Variants in EXOSC10 observed in about 807,000 individuals in gnomAD.
EXOSC10 encodes exosome component 10.
In EXOSC10, 94 loss-of-function variants were observed where a neutral mutation model predicts 126.6. The ratio of observed to expected loss-of-function variants is 0.74; its 90% CI spans 0.63 to 0.88. The LOEUF (loss-of-function observed/expected upper bound fraction) is 0.88. Among genes scored for constraint, EXOSC10 ranks in the 40% least tolerant of loss-of-function variants. The probability of loss-of-function intolerance (pLI) is 0.00; values close to 1 mark genes in which losing one functional copy is unlikely to be tolerated. For synonymous variants in EXOSC10, 395 were observed against 400.8 expected (o/e 0.99, Z 0.17); for missense variants, 1,041 against 1,100.5 (o/e 0.95, Z 0.77).
chr1:11,097,729 A>T (rs1391413956), intron 2 of EXOSC10, among the ~76,000 whole-genome samples: 1 of 152,204 alleles, frequency 6.6e-6, no homozygotes, highest in Non-Finnish European at 1.5e-5. Context: ...CCGTCTCAAA[A>T]AAAAAAAAGA....
chr1:11,088,616 A>T (rs1157820508), intron 6 of EXOSC10, among the ~76,000 whole-genome samples: 1 of 152,200 alleles, frequency 6.6e-6, no homozygotes, highest in Admixed American at 6.5e-5. Context: ...TGATCCTAAG[A>T]AATCTGTATA....
At chr1:11,090,711 T>A (rs1640758031) in intron 5 of EXOSC10, 43 bp from the exon 6 acceptor site, 2 of 1,421,586 alleles carry the variant, frequency 1.4e-6, no homozygotes, top group Non-Finnish European at 1.9e-6. Flanking sequence ...AGCACATTCA[T>A]GTCTTTTCTA....
At chr1:11,088,391 TATG>T (rs1219949305) in intron 6 of EXOSC10, among the ~76,000 whole-genome samples, 193 bp from the exon 7 acceptor site, 2 of 152,220 alleles carry the variant, frequency 1.3e-5, no homozygotes, top group Non-Finnish European at 2.9e-5. Flanking sequence ...ACTCTTAAAA[TATG>T]ATAATTAAGT....
In EXOSC10 at chr1:11,096,471, C is replaced by CTT. The variant is rs70977546; in HGVS notation, c.249-592_249-591dup. On this transcript the variant is annotated intron_variant, in intron 2 of 24. Coordinates refer to ENST00000376936, the MANE Select transcript of EXOSC10 (RefSeq NM_001001998.3). The stretch of plus-strand genomic sequence containing the variant: ...AGCCTTTTTCTTTCTTTCTTTCTTT[C>CTT]TTTTTTTTTTTTTTTTTTTTAAAGA... 2.1e-3 allele frequency among the ~76,000 whole-genome samples: 249 copies of CTT among 118,790 alleles called. 3 individuals are homozygous for CTT. The highest frequency in any genetic ancestry group is 7.4e-3 in the African/African-American group (237 of 32,090). The allele number at this position is 118,790 out of a possible 152,430, so 77.9% of individuals were successfully genotyped here. A position where few individuals can be genotyped will look rare whatever the true frequency, so the allele number is the denominator to read the frequency against.
At chr1:11,091,261 G>A in intron 4 of EXOSC10, 82 bp from the exon 5 acceptor site, 1 of 1,363,322 alleles carries the variant, frequency 7.3e-7, no homozygotes, top group South Asian at 1.3e-5. Flanking sequence ...GACTTCTGAG[G>A]AGACAAGAAC....
chr1:11,069,312 A>G lies in EXOSC10; in HGVS notation c.2488+247T>C, dbSNP rs1639315555. ...AAGGATGGCGCCCTGGTCACAGTGGAAGTGACAGGTGATCTTGCTAACCCA... is the reference window on the plus strand; with the variant it reads ...AAGGATGGCGCCCTGGTCACAGTGGGAGTGACAGGTGATCTTGCTAACCCA... On this transcript the variant is annotated intron_variant, in intron 22 of 24. Coordinates refer to ENST00000376936, the MANE Select transcript of EXOSC10 (RefSeq NM_001001998.3). 1.3e-5 allele frequency among the ~76,000 whole-genome samples: 2 copies of G among 150,786 alleles called. 1 individual carries two copies. Among genetic ancestry groups the G allele is most frequent in the African/African-American group, 4.9e-5 (2 of 41,094 alleles).
chr1:11,083,009 G>A, intron 9 of EXOSC10, 131 bp from the exon 10 acceptor site: 1 of 730,670 alleles, frequency 1.4e-6, no homozygotes, highest in Non-Finnish European at 2.3e-6. Flanking sequence ...GTAGTGCAGT[G>A]GTGTGATCTT....
At chr1:11,085,651 C>A (rs1360284037) in intron 9 of EXOSC10, among the ~76,000 whole-genome samples, 1 of 152,120 alleles carries the variant, frequency 6.6e-6, no homozygotes, top group Non-Finnish European at 1.5e-5. Flanking sequence ...GAACTTCCAA[C>A]ACTATGTTGA....
chr1:11,091,119 T>C lies in EXOSC10; in HGVS notation c.538A>G (p.Ile180Val), dbSNP rs1465604202. Residue 180 changes from isoleucine to valine, a missense_variant, in exon 5 of 25, where the codon ATC becomes GTC. By Grantham distance (29) the Ile-to-Val change is conservative. Coordinates refer to ENST00000376936, the MANE Select transcript of EXOSC10 (RefSeq NM_001001998.3). ...CGAAACTTGAGCTGAGGTCGGATGA[T>C]ATTTTTTGCATGAAGCAGCCGGAAA... ...ETFRLLHAKN[I>V]IRPQLKFREK... 4 of 1,614,090 alleles carry C rather than the reference T, an allele frequency of 2.5e-6. No homozygotes were observed. Among genetic ancestry groups the C allele is most frequent in the East Asian group, 4.5e-5 (2 of 44,900 alleles).
chr1:11,098,027 G>A lies in EXOSC10; in HGVS notation c.241C>T (p.Leu81Phe). ...AFCETQGDRL[L>F]QCMSRVMQYH... is the part of the protein sequence containing the mutation. ...ACAAAGTACAGTACTTACCACTGAA[G>A]CAACCTGTCTCCCTGTGTTTCGCAA... The change falls in exon 2 of 25, where the codon CTT becomes TTT. Residue 81 changes from leucine to phenylalanine, a missense_variant. Physicochemically the swap from Leu to Phe is conservative, Grantham distance 22 (BLOSUM62 0). Around this residue, in one of 3 missense-constraint regions of EXOSC10, gnomAD observed 645 missense variants for 656.3 expected, o/e 0.98. Coordinates refer to ENST00000376936, the MANE Select transcript of EXOSC10 (RefSeq NM_001001998.3). The A allele has an allele frequency of 3.7e-6, 6 of 1,608,158 alleles. No individual in the cohort carries two copies. The highest frequency in any genetic ancestry group is 5.1e-6 in the Non-Finnish European group (6 of 1,178,172).
At chr1:11,087,346 C>T (rs1640551130) in intron 9 of EXOSC10, 102 bp downstream of exon 9, 7 of 1,392,802 alleles carry the variant, frequency 5.0e-6, no homozygotes, top group Admixed American at 1.8e-5. Flanking sequence ...CATGATTCCT[C>T]CCAACTTGAC....
At chr1:11,076,996 A>G in intron 16 of EXOSC10, 48 bp from the exon 17 acceptor site, 2 of 1,495,958 alleles carry the variant, frequency 1.3e-6, no homozygotes, top group South Asian at 2.3e-5. Flanking sequence ...AATTTTGTTT[A>G]TTTTTTCTTT....
intron 23 of EXOSC10, 35 bp downstream of exon 23, chr1:11,068,610 C>A (rs1446557136): frequency 6.4e-7 from 1 of 1,572,428 alleles, no homozygotes; most frequent in Non-Finnish European, 8.8e-7. Flanking sequence ...ACAGGCGCCA[C>A]CAGCGTGCTA....
rs61290871 is a variant in EXOSC10 at position 11,089,633 on chromosome 1, AAAAGAAAGAAAG to A, written c.758+909_758+920del. On this transcript the variant is annotated intron_variant, in intron 6 of 24. Transcript: ENST00000376936. ...CGAAACTCCGTCCCAAAAAAAAAAA[AAAAGAAAGAAAG>A]AAAGAAAGAAAGAAAACATGGGCCA... Among the ~76,000 whole-genome samples, 553 of 148,876 alleles carry A rather than the reference AAAAGAAAGAAAG, an allele frequency of 3.7e-3. 1 individual carries two copies. Among genetic ancestry groups the A allele is most frequent in the Middle Eastern group, 6.8e-3 (2 of 294 alleles).
chr1:11,081,303 C>T, intron 10 of EXOSC10, 65 bp from the exon 11 acceptor site: 1 of 1,585,008 alleles, frequency 6.3e-7, no homozygotes, highest in Non-Finnish European at 8.6e-7. Context: ...TTTGTCTATT[C>T]CTTGGGTGCT....
At chr1:11,087,288 G>A (rs1640548441) in intron 9 of EXOSC10, among the ~76,000 whole-genome samples, 160 bp downstream of exon 9, 3 of 152,166 alleles carry the variant, frequency 2.0e-5, no homozygotes, top group Non-Finnish European at 2.9e-5. Context: ...TTCTAACAGG[G>A]ATTTAGAAAC....
Position 11,067,918 on chromosome 1 carries a change from C to T in EXOSC10, c.2627+90G>A, listed in dbSNP as rs181278632. 96 of 1,125,300 alleles carry T rather than the reference C, an allele frequency of 8.5e-5. No individual in the cohort carries two copies. In the African/African-American group the frequency reaches 1.1e-3, roughly 13 times the overall value. 69.7% of individuals were successfully genotyped at this position (1,125,300 alleles called of 1,614,324 possible). On this transcript the variant is annotated intron_variant, in intron 24 of 24. Coordinates refer to ENST00000376936, the MANE Select transcript of EXOSC10 (RefSeq NM_001001998.3). ...TCCTGGTTGAAGACCCCTGGACACT[C>T]GCTCCCCAGCTACTCCCCACGGACC... is the stretch of plus-strand genomic sequence containing the variant.
chr1:11,070,945 G>C lies in EXOSC10; in HGVS notation c.2271C>G (p.Cys757Trp). 6.2e-7 allele frequency: 1 copy of C among 1,614,146 alleles called. No homozygotes were observed. The highest frequency in any genetic ancestry group is 8.5e-7 in the Non-Finnish European group (1 of 1,180,016). ...AGATGGCCTGTTCTGCTGCAGCTTTGCACGCCTCCTTTGCCTGTTCCCGGG... is the reference window on the plus strand; with the variant it reads ...AGATGGCCTGTTCTGCTGCAGCTTTCCACGCCTCCTTTGCCTGTTCCCGGG... ...TAAREQAKEACKAAAEQAISV... is the reference protein window; with the variant it reads ...TAAREQAKEAWKAAAEQAISV... The change falls in exon 21 of 25, where the codon TGC becomes TGG. Residue 757 changes from cysteine to tryptophan, a missense_variant. This residue lies in a region of EXOSC10 where 388 missense variants were observed against 415.2 expected (regional missense o/e 0.93). Transcript: ENST00000376936.
chr1:11,068,786 C>A (rs1303655448), intron 22 of EXOSC10, 80 bp from the exon 23 acceptor site: 2 of 1,123,374 alleles, frequency 1.8e-6, no homozygotes, highest in Non-Finnish European at 1.4e-6. Flanking sequence ...GAGGCCGGGA[C>A]CATGACACTC....
Sources: gnomAD v4.1 joint callset for allele counts (sites outside exome capture counted in the v4.1 genomes callset) on GRCh38, gnomAD v4.1.1 for gene constraint, gnomAD v4.1.1 regional missense constraint, MANE v1.5 for transcripts, NCBI Gene and HGNC (gene_info 2026-07-23, HGNC 2026-07-21) for gene names.